DNAH14: variants seen among roughly 807,000 people sequenced by gnomAD.
DNAH14 encodes the protein axonemal beta dynein heavy chain 14.
In DNAH14, 478 loss-of-function variants were observed where a neutral mutation model predicts 520.9. The observed-to-expected ratio is 0.92, with a 90% CI of 0.85 to 0.99. DNAH14 has a LOEUF of 0.99. Among genes scored for constraint, DNAH14 ranks in the 50% least tolerant of loss-of-function variants. DNAH14 has a pLI of 0.00. For synonymous variants in DNAH14, 1,581 were observed against 1,757.2 expected, an observed-to-expected ratio of 0.90 and a Z score of 2.51; for missense variants, 4,831 against 5,234.5, an observed-to-expected ratio of 0.92 and a Z score of 2.38.
In DNAH14 at chr1:225,398,565, A is replaced by G; in HGVS notation, c.13537A>G (p.Ile4513Val). The G allele has an allele frequency of 6.4e-7, 1 of 1,551,724 alleles. No homozygotes were observed. The highest frequency in any genetic ancestry group is 8.7e-7 in the Non-Finnish European group (1 of 1,146,994). ...HTGVYIFGLF[I>V]EGARWNREQK... ...TGGAGTTTACATTTTTGGTTTATTC[A>G]TCGAGGGGGCAAGATGGAATCGTGA... Residue 4513 changes from isoleucine (I) to valine (V), a missense_variant, in exon 85 of 86, where the codon ATC becomes GTC. By Grantham distance (29) the Ile-to-Val change is conservative. Coordinates refer to ENST00000682510, the MANE Select transcript of DNAH14 (RefSeq NM_001367479.1).
chr1:225,352,076 C>T (rs1002448946), intron 72 of DNAH14, among the ~76,000 whole-genome samples, 193 bp downstream of exon 72: 11 of 145,236 alleles, frequency 7.6e-5, no homozygotes, highest in Admixed American at 3.6e-4. Flanking sequence ...ATGAACTTCA[C>T]GAGAAAATCT....
At chr1:224,931,548 C>T (rs1345673461) in intron 1 of DNAH14, among the ~76,000 whole-genome samples, 1 of 152,128 alleles carries the variant, frequency 6.6e-6, no homozygotes, top group African/African-American at 2.4e-5. Flanking sequence ...TCTTTGTACC[C>T]TTAAGCCCAC....
intron 69 of DNAH14, among the ~76,000 whole-genome samples, chr1:225,343,102 T>A (rs1017858481): frequency 4.6e-5 from 7 of 152,292 alleles, no homozygotes; most frequent in Admixed American, 2.0e-4. Context: ...AGGATGTAGG[T>A]CCCCACTGTT....
At chr1:225,182,216 G>GAATT (rs2084119256) in intron 36 of DNAH14, among the ~76,000 whole-genome samples, 1 of 151,818 alleles carries the variant, frequency 6.6e-6, no homozygotes, top group Non-Finnish European at 1.5e-5. Flanking sequence ...AAATAAAAAG[G>GAATT]AATTAATTAA....
intron 81 of DNAH14, among the ~76,000 whole-genome samples, chr1:225,387,773 G>A (rs1364687509): frequency 6.6e-6 from 1 of 152,174 alleles, no homozygotes; most frequent in Non-Finnish European, 1.5e-5. Flanking sequence ...GACTCCAGAA[G>A]AGGGGACAGT....
chr1:225,118,345 C>T, intron 25 of DNAH14: 1 of 303,932 alleles, frequency 3.3e-6, no homozygotes, highest in Non-Finnish European at 6.3e-6. Flanking sequence ...AGAAAATTGG[C>T]TATTTGGAGT....
chr1:225,340,824 A>G, intron 69 of DNAH14, 123 bp downstream of exon 69: 1 of 1,189,364 alleles, frequency 8.4e-7, no homozygotes, highest in Non-Finnish European at 1.1e-6. Context: ...GGTAACTGAT[A>G]AAGGTAGGTG....
chr1:225,048,223 A>C (rs1195983924), intron 15 of DNAH14, among the ~76,000 whole-genome samples: 1 of 152,152 alleles, frequency 6.6e-6, no homozygotes, highest in Non-Finnish European at 1.5e-5. Context: ...TATGTTGGCC[A>C]TGTACAGAGG....
chr1:225,027,405 C>T (rs988956152), intron 11 of DNAH14, among the ~76,000 whole-genome samples: 1 of 151,982 alleles, frequency 6.6e-6, no homozygotes, highest in Non-Finnish European at 1.5e-5. Flanking sequence ...CAGATGCTTC[C>T]TATCAAGTTG....
chr1:225,086,075 C>T (rs950449946), intron 21 of DNAH14, among the ~76,000 whole-genome samples: 9 of 151,528 alleles, frequency 5.9e-5, no homozygotes, highest in Non-Finnish European at 1.2e-4. Flanking sequence ...ACAGTGTTCC[C>T]TGATAGTCCC....
chr1:225,050,437 TAAATG>T (rs911261643), intron 16 of DNAH14, 61 bp downstream of exon 16: 7 of 1,446,614 alleles, frequency 4.8e-6, no homozygotes, highest in East Asian at 2.6e-5. Context: ...ACTGAATTCT[TAAATG>T]AAATGAATTT....
chr1:225,028,638 G>A (rs2148078885), intron 11 of DNAH14, among the ~76,000 whole-genome samples: 1 of 151,934 alleles, frequency 6.6e-6, no homozygotes, highest in Admixed American at 6.6e-5. Flanking sequence ...TTTAAAATGG[G>A]TGAAAGATCT....
At chr1:224,992,492 G>A (rs2449287) in intron 8 of DNAH14, among the ~76,000 whole-genome samples, 48,871 of 151,842 alleles carry the variant, frequency 0.32, 13,818 homozygotes, top group African/African-American at 0.76. Context: ...TTTAAATGCA[G>A]TTGTTCCCTT....
intron 49 of DNAH14, among the ~76,000 whole-genome samples, chr1:225,269,178 G>A (rs943591557): frequency 1.6e-4 from 25 of 152,122 alleles, no homozygotes; most frequent in Middle Eastern, 3.4e-3. Context: ...AATGCCACAC[G>A]TCTACAACCA....
At chr1:225,010,050 A>C (rs185553984) in intron 10 of DNAH14, among the ~76,000 whole-genome samples, 1 of 152,244 alleles carries the variant, frequency 6.6e-6, no homozygotes, top group Admixed American at 6.5e-5. Flanking sequence ...AAGAGAGTTA[A>C]TTTGACTTCC....
intron 23 of DNAH14, among the ~76,000 whole-genome samples, chr1:225,106,826 C>T (rs1028153066): frequency 1.3e-5 from 2 of 152,048 alleles, no homozygotes; most frequent in African/African-American, 2.4e-5. Flanking sequence ...TTGGTTCTAC[C>T]TTCCTCCTTT....
At chr1:225,345,830 A>C (rs946086101) in intron 69 of DNAH14, 132 bp from the exon 70 acceptor site, 3 of 664,138 alleles carry the variant, frequency 4.5e-6, no homozygotes, top group Admixed American at 6.6e-5. Flanking sequence ...ACTTCATTTA[A>C]GAGCCCGTCT....
intron 23 of DNAH14, among the ~76,000 whole-genome samples, chr1:225,106,029 C>G (rs1041142748): frequency 7.2e-6 from 1 of 138,668 alleles, no homozygotes; most frequent in African/African-American, 3.3e-5. Flanking sequence ...CCAGTTGTTC[C>G]TTTCCATGTT....
rs549147603 is a variant in DNAH14 at position 225,023,709 on chromosome 1, T to C, written c.1202T>C (p.Leu401Ser). 6.4e-7 allele frequency: 1 copy of C among 1,550,912 alleles called. No individual in the cohort carries two copies. Among genetic ancestry groups the C allele is most frequent in the East Asian group, 2.5e-5 (1 of 40,780 alleles). Residue 401 changes from leucine to serine, a missense_variant, in exon 11 of 86, where the codon TTA (leucine) becomes TCA (serine). By Grantham distance (145) the Leu-to-Ser change is moderately radical. Transcript: ENST00000682510. Reference sequence around the variant, plus strand: ...AAGCTGCCTAAATATAGACGTTTATTAGAAACATTTTTCAAGTTTGTAATG... The same window carrying C: ...AAGCTGCCTAAATATAGACGTTTATCAGAAACATTTTTCAAGTTTGTAATG... ...HFKLPKYRRL[L>S]ETFFKFVMLV...
Sources: allele counts gnomAD v4.1 joint callset (sites outside exome capture counted in the v4.1 genomes callset), GRCh38; gene constraint gnomAD v4.1.1; transcripts MANE v1.5; gene names NCBI Gene and HGNC (gene_info 2026-07-23, HGNC 2026-07-21).